URGCP: variants seen among roughly 807,000 people sequenced by gnomAD.
URGCP encodes the protein upregulator of cell proliferation.
In URGCP, 13 loss-of-function variants were observed where a neutral mutation model predicts 24.6. That is an observed-to-expected ratio of 0.53 (90% CI 0.34 to 0.84). The LOEUF (loss-of-function observed/expected upper bound fraction) is 0.84. URGCP is among the 40% of genes least tolerant of loss of function. The probability of loss-of-function intolerance (pLI) is 0.01; values close to 1 mark genes in which losing one functional copy is unlikely to be tolerated. For synonymous variants in URGCP, 444 were observed against 487.2 expected, an observed-to-expected ratio of 0.91 and a Z score of 1.17; for missense variants, 899 against 1,194.3, an observed-to-expected ratio of 0.75 and a Z score of 3.64.
chr7:43,902,113 G>A (rs1012559605), intron 1 of URGCP, among the ~76,000 whole-genome samples: 1 of 151,218 alleles, frequency 6.6e-6, no homozygotes, highest in African/African-American at 2.4e-5. Context: ...GAACAGAGAA[G>A]GGAGGAGGAG....
intron 1 of URGCP, among the ~76,000 whole-genome samples, chr7:43,913,625 A>G (rs1250089614): frequency 6.6e-6 from 1 of 152,166 alleles, no homozygotes. Context: ...GAGCCCTTAA[A>G]TATGATGAAT....
At chr7:43,896,934 T>C (rs973000418) in intron 1 of URGCP, among the ~76,000 whole-genome samples, 1 of 152,234 alleles carries the variant, frequency 6.6e-6, no homozygotes. Flanking sequence ...CTTGGATTTA[T>C]CCACATATTT....
chr7:43,893,673 C>T (rs2095874293), intron 1 of URGCP, among the ~76,000 whole-genome samples: 1 of 152,210 alleles, frequency 6.6e-6, no homozygotes, highest in Admixed American at 6.5e-5. Flanking sequence ...GAGTTCAAGA[C>T]CAGCCTGGCC....
intron 1 of URGCP, among the ~76,000 whole-genome samples, chr7:43,897,030 G>T (rs1262152203): frequency 6.6e-6 from 1 of 151,970 alleles, no homozygotes; most frequent in Non-Finnish European, 1.5e-5. Context: ...ACAAGGCAAG[G>T]GGATATTGGT....
intron 1 of URGCP, among the ~76,000 whole-genome samples, chr7:43,892,146 G>A (rs1055685076): frequency 1.9e-4 from 29 of 151,888 alleles, no homozygotes; most frequent in African/African-American, 7.0e-4. Context: ...TCAAACTCCT[G>A]GGCTGATGCA....
intron 1 of URGCP, among the ~76,000 whole-genome samples, chr7:43,921,810 T>C (rs576835416): frequency 6.6e-5 from 10 of 152,336 alleles, no homozygotes; most frequent in African/African-American, 2.4e-4. Flanking sequence ...GCAAAAGAAA[T>C]TCTGTGTGTG....
chr7:43,880,347 T>C (rs1402231422), intron 5 of URGCP, among the ~76,000 whole-genome samples: 4 of 152,230 alleles, frequency 2.6e-5, no homozygotes, highest in Non-Finnish European at 5.9e-5. Flanking sequence ...AGCTAGATGC[T>C]TGAAACAGTA....
At chr7:43,926,450 G>GC, upstream of URGCP, 1 of 1,263,332 alleles carries the variant, frequency 7.9e-7, no homozygotes, top group Non-Finnish European at 1.0e-6. Context: ...CTCCCGGCGT[G>GC]CAGCTTGGTG....
intron 3 of URGCP, among the ~76,000 whole-genome samples, chr7:43,884,802 T>A (rs2528395): frequency 1.3e-5 from 2 of 151,944 alleles, no homozygotes; most frequent in Admixed American, 1.3e-4. Flanking sequence ...ACCACTGTAC[T>A]CCGGCTTGAG....
At chr7:43,900,830 G>C (rs375128399) in intron 1 of URGCP, among the ~76,000 whole-genome samples, 34 of 152,234 alleles carry the variant, frequency 2.2e-4, no homozygotes, top group African/African-American at 7.7e-4. Context: ...TGAAGGTATC[G>C]TCCACTCTGT....
Position 43,887,826 on chromosome 7 carries a change from T to C in URGCP, c.15-10A>G. ...TAATTCCACTTCTATCCTAAGGAAA[T>C]AATTAAGATTTAGTTACAAAGATGT... On this transcript the variant is annotated splice_polypyrimidine_tract_variant and intron_variant, in intron 1 of 5. Coordinates refer to ENST00000453200, the MANE Select transcript of URGCP (RefSeq NM_001077663.3). 2 of 1,505,786 alleles carry C rather than the reference T, an allele frequency of 1.3e-6. No individual in the cohort carries two copies. Among genetic ancestry groups the C allele is most frequent in the Non-Finnish European group, 9.0e-7 (1 of 1,108,228 alleles). 93.3% of individuals were successfully genotyped at this position (1,505,786 alleles called of 1,614,324 possible). A position where few individuals can be genotyped will look rare whatever the true frequency, so the allele number is the denominator to read the frequency against.
At chr7:43,879,728 A>C (rs1181712431) in intron 5 of URGCP, 1 of 155,558 alleles carries the variant, frequency 6.4e-6, no homozygotes, top group Admixed American at 6.4e-5. Flanking sequence ...CACAGGAGTC[A>C]TAATCACTGA....
intron 1 of URGCP, among the ~76,000 whole-genome samples, chr7:43,890,246 G>A (rs376709500): frequency 1.5e-4 from 19 of 124,342 alleles, no homozygotes; most frequent in African/African-American, 5.1e-4. Context: ...ACAGAGTCTC[G>A]CTCTGTTGCC....
At chr7:43,909,502 G>A (rs761716291), upstream of URGCP, among the ~76,000 whole-genome samples, 1 of 151,950 alleles carries the variant, frequency 6.6e-6, no homozygotes, top group Non-Finnish European at 1.5e-5. Flanking sequence ...CGAGGCGGGT[G>A]GATCACTTGA....
In URGCP at chr7:43,881,911, A is replaced by G. The variant is rs756111695; in HGVS notation, c.159T>C (p.Tyr53=). 3 of 1,613,976 alleles carry G rather than the reference A, an allele frequency of 1.9e-6. No homozygotes were observed. Among genetic ancestry groups the G allele is most frequent in the East Asian group, 2.2e-5 (1 of 44,896 alleles). Reference sequence around the variant, plus strand: ...GCCAAATCCTGTAGTTTCTACCTCCATAACGGAACTCGCAATCATCTCCTT... The same window carrying G: ...GCCAAATCCTGTAGTTTCTACCTCCGTAACGGAACTCGCAATCATCTCCTT... The part of the protein sequence containing the change: ...EMEGDDCEFR[Y]GDGTNEAQDN... Residue 53 remains tyrosine (Y), a synonymous_variant, in exon 4 of 6, where the codon TAT becomes TAC. Transcript: ENST00000453200.
chr7:43,881,512 A>G (rs956803666), intron 5 of URGCP, 147 bp downstream of exon 5: 17 of 917,726 alleles, frequency 1.9e-5, no homozygotes, highest in Non-Finnish European at 2.6e-5. Context: ...ATGGTTAACA[A>G]TGTATAAAGG....
In URGCP at chr7:43,876,627, AC is replaced by A; in HGVS notation, c.*39del. The A allele has an allele frequency of 6.3e-7, 1 of 1,586,422 alleles. No individual in the cohort carries two copies. The highest frequency in any genetic ancestry group is 8.6e-7 in the Non-Finnish European group (1 of 1,163,630). On this transcript the variant is annotated 3_prime_UTR_variant, in exon 6 of 6. Coordinates refer to ENST00000453200, the MANE Select transcript of URGCP (RefSeq NM_001077663.3). ...GGTGCCCCATCAGACAGGGCTGCCC[AC>A]AGCAGCCTCCTACACCTGAACTGGG...
chr7:43,919,312 A>G (rs2095919318), intron 1 of URGCP: 1 of 829,974 alleles, frequency 1.2e-6, no homozygotes, highest in Admixed American at 1.7e-5. Flanking sequence ...GTGGTGCTGC[A>G]CAACACAGCC....
At chr7:43,889,504 G>C (rs2095867169) in intron 1 of URGCP, 6 of 152,218 alleles carry the variant, frequency 3.9e-5, no homozygotes, top group Admixed American at 3.9e-4. Flanking sequence ...GGGCAAGGGA[G>C]CTCTCTGCAG....
Sources: allele counts gnomAD v4.1 joint callset (sites outside exome capture counted in the v4.1 genomes callset), GRCh38; gene constraint gnomAD v4.1.1; transcripts MANE v1.5; gene names NCBI Gene and HGNC (gene_info 2026-07-23, HGNC 2026-07-21).